The following ARHGAP32 variants were observed in gnomAD, a reference collection of about 807,000 sequenced individuals.
ARHGAP32 encodes the protein Rho GTPase activating protein 32.
ARHGAP32 carries 51 observed loss-of-function variants against 186.5 expected under a neutral mutation model. The observed-to-expected ratio is 0.27, with a 90% confidence interval of 0.22 to 0.35. The LOEUF (loss-of-function observed/expected upper bound fraction) is 0.35. Ranked by LOEUF, ARHGAP32 falls within the 10% of genes least tolerant of loss-of-function variation. The pLI, the probability that ARHGAP32 is intolerant of heterozygous loss-of-function variation, is 1.00. For missense variants in ARHGAP32, 2,186 were observed against 2,623.5 expected (o/e 0.83, Z 3.64); for synonymous variants, 950 against 964.3 (o/e 0.99, Z 0.27).
chr11:129,154,148 A>G (rs1651966026), intron 2 of ARHGAP32, among the ~76,000 whole-genome samples: 1 of 152,212 alleles, frequency 6.6e-6, no homozygotes, highest in South Asian at 2.1e-4. Flanking sequence ...ATTACTAATT[A>G]TCAGGGAAAT....
At chr11:129,265,059 C>T (rs1302470262) in intron 1 of ARHGAP32, among the ~76,000 whole-genome samples, 1 of 152,194 alleles carries the variant, frequency 6.6e-6, no homozygotes, top group Non-Finnish European at 1.5e-5. Context: ...AAGTCTCTAA[C>T]ATAAAATCCC....
chr11:129,228,704 T>C (rs962997686), intron 1 of ARHGAP32, among the ~76,000 whole-genome samples: 5 of 151,944 alleles, frequency 3.3e-5, no homozygotes, highest in Admixed American at 6.6e-5. Flanking sequence ...CTGGGGCTTG[T>C]TGGGGAAGTG....
At chr11:129,263,385 C>CA (rs1021183134) in intron 1 of ARHGAP32, among the ~76,000 whole-genome samples, 3 of 151,500 alleles carry the variant, frequency 2.0e-5, no homozygotes, top group African/African-American at 4.8e-5. Context: ...AACTCAACAA[C>CA]AAAAAAAACT....
At chr11:129,043,767 A>G (rs576464653) in intron 10 of ARHGAP32, among the ~76,000 whole-genome samples, 2 of 152,196 alleles carry the variant, frequency 1.3e-5, no homozygotes, top group South Asian at 4.2e-4. Context: ...TTTCAAACTT[A>G]ACTGAGGCAT....
In ARHGAP32 at chr11:129,091,196, T is replaced by C. The variant is rs1941568311; in HGVS notation, c.531+2425A>G. 2.0e-5 allele frequency among the ~76,000 whole-genome samples: 3 copies of C among 152,250 alleles called. No individual in the cohort carries two copies. The South Asian group carries it at 6.2e-4, about 32-fold the overall frequency. On this transcript the variant is annotated intron_variant, in intron 6 of 22. Coordinates refer to ENST00000682385, the MANE Select transcript of ARHGAP32 (RefSeq NM_001378024.1). Reference sequence around the variant, plus strand: ...GCTAAGACACACCAATATGGGTAAATGAGATCGGTATAACTAGTATCTGTT... The same window carrying C: ...GCTAAGACACACCAATATGGGTAAACGAGATCGGTATAACTAGTATCTGTT...
Position 129,073,784 on chromosome 11 carries a change from A to AC in ARHGAP32, c.532-6917_532-6916insG, listed in dbSNP as rs948236133. 6.3e-3 allele frequency among the ~76,000 whole-genome samples: 745 copies of AC among 117,554 alleles called. 1 individual carries two copies. The highest frequency in any genetic ancestry group is 0.02 in the African/African-American group (717 of 35,968). The allele number at this position is 117,554 out of a possible 152,430, so 77.1% of individuals were successfully genotyped here. On this transcript the variant is annotated intron_variant, in intron 6 of 22. Transcript: ENST00000682385. ...AAACAAACAAAAAACAACAACAACA[A>AC]AAAAAAACCTTCAGCAAATCCAAGA...
At chr11:129,075,675 T>C (rs1565409733) in intron 6 of ARHGAP32, among the ~76,000 whole-genome samples, 1 of 152,192 alleles carries the variant, frequency 6.6e-6, no homozygotes, top group Non-Finnish European at 1.5e-5. Flanking sequence ...ATTGATAGAA[T>C]ACCTTAACAA....
Position 128,980,674 on chromosome 11 carries a change from C to T in ARHGAP32, c.1855G>A (p.Ala619Thr), listed in dbSNP as rs1945682526. 2 of 1,613,900 alleles carry T rather than the reference C, an allele frequency of 1.2e-6. No individual in the cohort carries two copies. Among genetic ancestry groups the T allele is most frequent in the Non-Finnish European group, 1.7e-6 (2 of 1,179,858 alleles). ...TKLLTLEEAQARTQAQVNSPI... is the reference protein window; with the variant it reads ...TKLLTLEEAQTRTQAQVNSPI... ...GAATTGACCTGAGCTTGTGTTCGTGCCTGGGCCTCTTCCAATGTCAGCAGT... is the reference window on the plus strand; with the variant it reads ...GAATTGACCTGAGCTTGTGTTCGTGTCTGGGCCTCTTCCAATGTCAGCAGT... The change falls in exon 18 of 23, where the codon GCA becomes ACA. Residue 619 changes from alanine (A) to threonine (T), a missense_variant. Ala to Thr is a moderately conservative substitution (Grantham distance 58, BLOSUM62 0). Transcript: ENST00000682385.
chr11:129,116,375 C>T (rs1403430467), intron 5 of ARHGAP32, among the ~76,000 whole-genome samples: 2 of 152,018 alleles, frequency 1.3e-5, no homozygotes, highest in Admixed American at 1.3e-4. Flanking sequence ...AAATCCAGTA[C>T]TTAGATGACA....
At chr11:129,058,217 A>T (rs971123448) in intron 10 of ARHGAP32, among the ~76,000 whole-genome samples, 107 of 97,534 alleles carry the variant, frequency 1.1e-3, no homozygotes, top group African/African-American at 3.0e-3. Context: ...ACACACACAC[A>T]CACACTCTCT....
chr11:129,082,067 C>T (rs941374931), intron 6 of ARHGAP32, among the ~76,000 whole-genome samples: 2 of 151,998 alleles, frequency 1.3e-5, no homozygotes, highest in African/African-American at 4.8e-5. Context: ...TGAAAAATCT[C>T]TACAAGAAAA....
At chr11:129,082,863 C>T (rs1025650475) in intron 6 of ARHGAP32, among the ~76,000 whole-genome samples, 2 of 151,790 alleles carry the variant, frequency 1.3e-5, no homozygotes, top group East Asian at 3.9e-4. Flanking sequence ...ACAAGGAACC[C>T]AAATAAATCA....
chr11:129,056,767 A>T (rs1565399612), intron 10 of ARHGAP32, among the ~76,000 whole-genome samples: 1 of 152,160 alleles, frequency 6.6e-6, no homozygotes, highest in Non-Finnish European at 1.5e-5. Flanking sequence ...AAATGCAGAC[A>T]TATCGGGCCT....
At chr11:129,216,328 ATTCT>A (rs1944644883) in intron 1 of ARHGAP32, among the ~76,000 whole-genome samples, 1 of 152,084 alleles carries the variant, frequency 6.6e-6, no homozygotes, top group Non-Finnish European at 1.5e-5. Flanking sequence ...ATATTTTGAT[ATTCT>A]TTTTCTCTCT....
chr11:129,265,341 G>T (rs12272570), intron 1 of ARHGAP32, among the ~76,000 whole-genome samples: 4 of 152,198 alleles, frequency 2.6e-5, no homozygotes, highest in Admixed American at 6.5e-5. Context: ...TTCTTGACCA[G>T]ATGGTAATTC....
Position 128,970,961 on chromosome 11 carries a change from C to T in ARHGAP32, c.4252G>A (p.Ala1418Thr). 1.2e-6 allele frequency: 2 copies of T among 1,613,926 alleles called. No individual in the cohort carries two copies. Among genetic ancestry groups the T allele is most frequent in the Admixed American group, 1.7e-5 (1 of 60,008 alleles). ...LLHLRAESVP[A>T]HPCGFPAPLP... ...GGTGCAGGAAAGCCACAGGGATGCGCAGGGACAGACTCGGCGCGCAGGTGC... is the reference window on the plus strand; with the variant it reads ...GGTGCAGGAAAGCCACAGGGATGCGTAGGGACAGACTCGGCGCGCAGGTGC... Residue 1418 changes from alanine to threonine, a missense_variant, in exon 23 of 23, where the codon GCG becomes ACG. Transcript: ENST00000682385. The surrounding 1 kb of genome is among the most constrained non-coding windows in gnomAD (Gnocchi z 5.8).
At chr11:129,224,480 T>A (rs1426895775) in intron 1 of ARHGAP32, among the ~76,000 whole-genome samples, 1 of 152,080 alleles carries the variant, frequency 6.6e-6, no homozygotes, top group Non-Finnish European at 1.5e-5. Flanking sequence ...CAGCAATCCA[T>A]GGAACATTTT....
chr11:129,082,073 G>A (rs936563485), intron 6 of ARHGAP32, among the ~76,000 whole-genome samples: 2 of 151,910 alleles, frequency 1.3e-5, no homozygotes, highest in African/African-American at 2.4e-5. Flanking sequence ...ATCTCTACAA[G>A]AAAAACTATA....
chr11:128,990,013 T>C (rs1244384319), intron 12 of ARHGAP32, among the ~76,000 whole-genome samples: 1 of 152,168 alleles, frequency 6.6e-6, no homozygotes, highest in East Asian at 1.9e-4. Flanking sequence ...CCTTTCATAA[T>C]TTACATTTAA....
Sources: gnomAD v4.1 joint callset for allele counts (sites outside exome capture counted in the v4.1 genomes callset) on GRCh38, gnomAD v4.1.1 for gene constraint, Gnocchi (gnomAD v3.1) non-coding constraint, MANE v1.5 for transcripts, NCBI Gene and HGNC (gene_info 2026-07-23, HGNC 2026-07-21) for gene names.